LARGE1: variants seen among roughly 807,000 people sequenced by gnomAD.
LARGE1 encodes LARGE xylosyl- and glucuronyltransferase 1, also known as xylosyl- and glucuronyltransferase LARGE1.
Under a neutral mutation model 87.6 loss-of-function variants are expected in LARGE1, and 43 were observed. That is an observed-to-expected ratio of 0.49 (90% CI 0.38 to 0.63). LARGE1 has a LOEUF of 0.63. Ranked by LOEUF, LARGE1 falls within the 30% of genes least tolerant of loss-of-function variation. The pLI is 0.00. For missense variants in LARGE1, 802 were observed against 1,000.2 expected (o/e 0.80, Z 2.67); for synonymous variants, 434 against 394.6 (o/e 1.10, Z -1.18).
chr22:33,170,277 G>A (rs1454552439), intron 11 of LARGE1, among the ~76,000 whole-genome samples: 1 of 152,136 alleles, frequency 6.6e-6, no homozygotes, highest in African/African-American at 2.4e-5. Context: ...GCTGAGGCAG[G>A]AGAATCGCTT....
intron 11 of LARGE1, among the ~76,000 whole-genome samples, chr22:33,229,245 C>T (rs935208762): frequency 2.6e-5 from 4 of 152,094 alleles, no homozygotes; most frequent in African/African-American, 9.7e-5. Flanking sequence ...ACAAAAGAAA[C>T]ACCATCCAAA....
At position 33,632,532 on chromosome 22, in the gene LARGE1, C is replaced by T. The variant is rs188018750; in HGVS notation, c.409-6206G>A. 4.3e-4 allele frequency among the ~76,000 whole-genome samples: 55 copies of T among 127,236 alleles called. 2 individuals are homozygous for T. In the South Asian group the frequency reaches 0.012, roughly 28 times the overall value. The allele number at this position is 127,236 out of a possible 152,430, so 83.5% of individuals were successfully genotyped here. ...GGGGGTCTCAGAGGTCAGATTTCCC[C>T]GGCTCCTGTCAGGGGCCCAATCACA... On this transcript the variant is annotated intron_variant, in intron 3 of 14. Coordinates refer to ENST00000397394, the MANE Select transcript of LARGE1 (RefSeq NM_133642.5).
intron 7 of LARGE1, among the ~76,000 whole-genome samples, chr22:33,396,044 C>T (rs1027088383): frequency 6.6e-6 from 1 of 152,202 alleles, no homozygotes; most frequent in Admixed American, 6.5e-5. Flanking sequence ...CTCAGCTCTC[C>T]ACCTCTAATG....
At position 33,892,844 on chromosome 22, in the gene LARGE1, T is replaced by C. The variant is rs776709727; in HGVS notation, c.-83+27151A>G. Among the ~76,000 whole-genome samples, 8 of 152,366 alleles carry C rather than the reference T, an allele frequency of 5.3e-5. No individual in the cohort carries two copies. The South Asian group carries it at 8.3e-4, about 16-fold the overall frequency. On this transcript the variant is annotated intron_variant, in intron 1 of 14. Coordinates refer to ENST00000397394, the MANE Select transcript of LARGE1 (RefSeq NM_133642.5). ...GTGTTATTTTTTCATGGATCTCTGA[T>C]TGTGAAATAAATCAATATTCCCATT...
chr22:33,363,911 T>C (rs1360622895), intron 9 of LARGE1, among the ~76,000 whole-genome samples: 1 of 149,250 alleles, frequency 6.7e-6, no homozygotes, highest in Non-Finnish European at 1.5e-5. Context: ...ACCTCCCGGG[T>C]GGGACTGAGC....
chr22:33,753,218 CA>C (rs200395008), intron 2 of LARGE1, among the ~76,000 whole-genome samples: 5 of 151,644 alleles, frequency 3.3e-5, no homozygotes, highest in Admixed American at 6.6e-5. Context: ...GACTCCATCA[CA>C]AAAAAATAGT....
intron 14 of LARGE1, among the ~76,000 whole-genome samples, chr22:33,276,099 C>A (rs79223970): frequency 1.2e-4 from 19 of 152,138 alleles, no homozygotes; most frequent in Admixed American, 3.9e-4. Context: ...TTCTCATGAA[C>A]GGCCAGCGCT....
chr22:33,602,992 C>T (rs1290928944), intron 5 of LARGE1, among the ~76,000 whole-genome samples: 2 of 152,208 alleles, frequency 1.3e-5, no homozygotes, highest in East Asian at 3.8e-4. Flanking sequence ...CCCTGGGAGA[C>T]AGAGTGGCTT....
At chr22:33,619,554 C>CAAAAAAAAA (rs553269111) in intron 4 of LARGE1, among the ~76,000 whole-genome samples, 2 of 59,040 alleles carry the variant, frequency 3.4e-5, no homozygotes, top group African/African-American at 5.1e-5. Flanking sequence ...GACTCTGTCT[C>CAAAAAAAAA]AAAAAAAAAA....
the LARGE1 span, among the ~76,000 whole-genome samples, chr22:33,096,573 T>G: frequency 2.9e-3 from 440 of 149,476 alleles, 4 homozygotes; most frequent in African/African-American, 9.9e-3. Flanking sequence ...TTTGTTTTTT[T>G]TTTTTTTTTG....
chr22:33,876,877 T>C (rs763244775), intron 1 of LARGE1, among the ~76,000 whole-genome samples: 9 of 150,790 alleles, frequency 6.0e-5, no homozygotes, highest in Non-Finnish European at 1.0e-4. Flanking sequence ...AAAAAAAGCA[T>C]TGGCATGGGA....
intron 9 of LARGE1, among the ~76,000 whole-genome samples, chr22:33,348,105 T>C (rs547897018): frequency 6.6e-6 from 1 of 152,094 alleles, no homozygotes; most frequent in East Asian, 1.9e-4. Context: ...GGGCAGGTCC[T>C]CCTGGCTAGA....
At chr22:33,070,274 A>AATATTTGTTTAATATACATAT in the LARGE1 span, among the ~76,000 whole-genome samples, 1 of 152,198 alleles carries the variant, frequency 6.6e-6, no homozygotes, top group Non-Finnish European at 1.5e-5. Context: ...ATGTTCAGTA[A>AATATTTGTTTAATATACATAT]ATATTTGTTT....
intron 6 of LARGE1, among the ~76,000 whole-genome samples, chr22:33,514,704 G>T: frequency 6.6e-6 from 1 of 152,196 alleles, no homozygotes; most frequent in African/African-American, 2.4e-5. Flanking sequence ...GGACAACTAC[G>T]TGTATATATA....
At chr22:33,572,220 C>T (rs1167893463) in intron 5 of LARGE1, 1 of 1,282,090 alleles carries the variant, frequency 7.8e-7, no homozygotes, top group African/African-American at 1.5e-5. Flanking sequence ...GTCATCCCAG[C>T]TGCAGAATGT....
At chr22:33,086,698 G>A in the LARGE1 span, among the ~76,000 whole-genome samples, 4 of 151,816 alleles carry the variant, frequency 2.6e-5, no homozygotes, top group Admixed American at 6.6e-5. Flanking sequence ...GATTACAGGC[G>A]CATGCCACCA....
chr22:33,523,617 C>A (rs1002560593), intron 6 of LARGE1, among the ~76,000 whole-genome samples: 3 of 152,080 alleles, frequency 2.0e-5, no homozygotes, highest in Admixed American at 1.3e-4. Flanking sequence ...TTGTCAGGAG[C>A]CCAGTAGAGG....
chr22:33,096,170 C>CT, the LARGE1 span, among the ~76,000 whole-genome samples: 1 of 152,096 alleles, frequency 6.6e-6, no homozygotes, highest in African/African-American at 2.4e-5. Flanking sequence ...AATCCCAGCA[C>CT]TTTGGGAGGC....
chr22:33,664,098 A>G (rs2081203233), intron 2 of LARGE1, among the ~76,000 whole-genome samples: 1 of 152,130 alleles, frequency 6.6e-6, no homozygotes. Context: ...CAACACGTCA[A>G]CTGAACACCT....
Sources: gnomAD v4.1 joint callset for allele counts (sites outside exome capture counted in the v4.1 genomes callset) on GRCh38, gnomAD v4.1.1 for gene constraint, MANE v1.5 for transcripts, NCBI Gene and HGNC (gene_info 2026-07-23, HGNC 2026-07-21) for gene names.